Variants in PCDHA12 observed in about 807,000 individuals in gnomAD.
PCDHA12 encodes the protein protocadherin alpha 12, also known as protocadherin alpha-12.
A neutral mutation model predicts 60.0 loss-of-function variants in PCDHA12; 44 were observed. The ratio of observed to expected loss-of-function variants is 0.73; its 90% CI spans 0.58 to 0.94. The LOEUF (loss-of-function observed/expected upper bound fraction) is 0.94. Among genes scored for constraint, PCDHA12 ranks in the 40% least tolerant of loss-of-function variants. The pLI, the probability that PCDHA12 is intolerant of heterozygous loss-of-function variation, is 0.00. For synonymous variants in PCDHA12, 569 were observed against 553.0 expected (o/e 1.03, Z -0.40); for missense variants, 1,276 against 1,239.7 (o/e 1.03, Z -0.44).
chr5:140,948,839 G>A (rs2094310723), intron 1 of PCDHA12, among the ~76,000 whole-genome samples: 1 of 151,152 alleles, frequency 6.6e-6, no homozygotes, highest in African/African-American at 2.4e-5. Flanking sequence ...GCTTTTGTCT[G>A]TATTATTTGC....
chr5:140,982,300 GCTT>G, intron 2 of PCDHA12, 172 bp from the exon 3 acceptor site: 2 of 1,204,624 alleles, frequency 1.7e-6, no homozygotes, highest in Non-Finnish European at 1.1e-6. Context: ...AGTCAGCAAT[GCTT>G]CTGCAGTTTA....
At chr5:140,905,116 C>A (rs570992369) in intron 1 of PCDHA12, among the ~76,000 whole-genome samples, 1 of 152,282 alleles carries the variant, frequency 6.6e-6, no homozygotes, top group Non-Finnish European at 1.5e-5. Context: ...TTGCCTAAGC[C>A]AATGTCTAGA....
At chr5:140,878,552 C>A (rs1035509057) in intron 1 of PCDHA12, among the ~76,000 whole-genome samples, 1 of 152,130 alleles carries the variant, frequency 6.6e-6, no homozygotes, top group Non-Finnish European at 1.5e-5. Flanking sequence ...TTCAGATGAT[C>A]CCAAACTTAT....
intron 3 of PCDHA12, among the ~76,000 whole-genome samples, chr5:140,985,239 A>C (rs2097143502): frequency 6.6e-6 from 1 of 152,008 alleles, no homozygotes; most frequent in South Asian, 2.1e-4. Flanking sequence ...GCCTGGCCTA[A>C]TCTTCTTACT....
chr5:140,881,145 A>G (rs1335769260), intron 1 of PCDHA12, among the ~76,000 whole-genome samples: 1 of 152,246 alleles, frequency 6.6e-6, no homozygotes, highest in Non-Finnish European at 1.5e-5. Context: ...TTATAACAAT[A>G]GATAAAAGTA....
At chr5:140,962,541 A>AGTT (rs2095690394) in intron 1 of PCDHA12, among the ~76,000 whole-genome samples, 1 of 152,220 alleles carries the variant, frequency 6.6e-6, no homozygotes, top group Non-Finnish European at 1.5e-5. Flanking sequence ...AGAACTAAAA[A>AGTT]TGTAGAGGAT....
At chr5:140,935,676 A>G (rs1168512325) in intron 1 of PCDHA12, among the ~76,000 whole-genome samples, 1 of 152,166 alleles carries the variant, frequency 6.6e-6, no homozygotes, top group Non-Finnish European at 1.5e-5. Context: ...TATGTGAAAT[A>G]TTTACATGGC....
At chr5:140,966,505 A>C (rs2096011889) in intron 1 of PCDHA12, 2 of 427,984 alleles carry the variant, frequency 4.7e-6, no homozygotes, top group Non-Finnish European at 8.1e-6. Context: ...CTGTAGCGGC[A>C]GCAGCAGCAG....
intron 1 of PCDHA12, chr5:140,968,816 G>A: frequency 6.2e-7 from 1 of 1,614,144 alleles, no homozygotes. Context: ...GGTGGATAGG[G>A]TTTCCAAAAT....
At chr5:141,000,824 T>C (rs1477357302) in intron 3 of PCDHA12, among the ~76,000 whole-genome samples, 1 of 152,064 alleles carries the variant, frequency 6.6e-6, no homozygotes, top group Non-Finnish European at 1.5e-5. Context: ...GGAGGATCAC[T>C]TGAGTCCAGG....
chr5:141,004,402 A>T (rs2098165262), intron 3 of PCDHA12, among the ~76,000 whole-genome samples: 1 of 152,188 alleles, frequency 6.6e-6, no homozygotes, highest in African/African-American at 2.4e-5. Context: ...TGGAGGAGGC[A>T]CCTGACTAGA....
chr5:140,882,174 C>T (rs868925922), intron 1 of PCDHA12: 1 of 1,514,752 alleles, frequency 6.6e-7, no homozygotes. Context: ...CGAATCCTTC[C>T]GCACTAGGAA....
chr5:140,883,632 T>C (rs782762437), intron 1 of PCDHA12: 1 of 1,613,936 alleles, frequency 6.2e-7, no homozygotes, highest in South Asian at 1.1e-5. Flanking sequence ...GCGCCGGCGT[T>C]CGCGCAGCCC....
intron 1 of PCDHA12, among the ~76,000 whole-genome samples, chr5:140,937,039 C>CTTT (rs34994034): frequency 3.6e-5 from 5 of 140,162 alleles, no homozygotes; most frequent in African/African-American, 5.3e-5. Context: ...TTCCATTTAT[C>CTTT]TTTTTTTTTT....
At chr5:140,979,571 G>A (rs2096856939) in intron 2 of PCDHA12, among the ~76,000 whole-genome samples, 1 of 152,154 alleles carries the variant, frequency 6.6e-6, no homozygotes. Flanking sequence ...GCCATGTAAA[G>A]GGCTCCAAAT....
chr5:140,965,036 G>A (rs568573122), intron 1 of PCDHA12, among the ~76,000 whole-genome samples: 1 of 152,272 alleles, frequency 6.6e-6, no homozygotes, highest in African/African-American at 2.4e-5. Context: ...TTAACTGTCC[G>A]CTCTAGGAGG....
Position 140,875,916 on chromosome 5 carries a change from G to GC in PCDHA12, c.444_445insC (p.Asp149ArgfsTer11). The stretch of plus-strand genomic sequence containing the variant: ...TACCTGTTTCTGAATCTGCGCCTCT[G>GC]GACTCTCATTTTCCTCTAGAGGGCG... On this transcript the variant is annotated frameshift_variant, in exon 1 of 4. Coordinates refer to ENST00000398631, the MANE Select transcript of PCDHA12 (RefSeq NM_018903.4). LOFTEE classifies it high-confidence loss of function. 6.2e-7 allele frequency: 1 copy of GC among 1,614,086 alleles called. No homozygotes were observed.
intron 1 of PCDHA12, chr5:140,883,871 G>C: frequency 1.9e-6 from 3 of 1,613,242 alleles, no homozygotes; most frequent in Non-Finnish European, 2.5e-6. Context: ...GCAGTTCCAG[G>C]TGAGCGCGCG....
chr5:140,952,841 C>T (rs2094805193), intron 1 of PCDHA12, among the ~76,000 whole-genome samples: 1 of 152,102 alleles, frequency 6.6e-6, no homozygotes, highest in South Asian at 2.1e-4. Context: ...TGGCCATCTG[C>T]TTGTCTTCTG....
Sources: allele counts gnomAD v4.1 joint callset (sites outside exome capture counted in the v4.1 genomes callset), GRCh38; gene constraint gnomAD v4.1.1; transcripts MANE v1.5; gene names NCBI Gene and HGNC (gene_info 2026-07-23, HGNC 2026-07-21).